FUT8: variants seen among roughly 807,000 people sequenced by gnomAD.
The protein encoded by FUT8 is fucosyltransferase 8.
Under a neutral mutation model 71.3 loss-of-function variants are expected in FUT8, and 29 were observed. The observed-to-expected ratio is 0.41, with a 90% CI of 0.30 to 0.55. The LOEUF is 0.55. Ranked by LOEUF, FUT8 falls within the 20% of genes least tolerant of loss-of-function variation. FUT8 has a pLI of 0.34. For synonymous variants in FUT8, 254 were observed against 239.3 expected, an observed-to-expected ratio of 1.06 and a Z score of -0.57; for missense variants, 544 against 702.1, an observed-to-expected ratio of 0.77 and a Z score of 2.55.
intron 10 of FUT8, among the ~76,000 whole-genome samples, chr14:65,739,907 G>T (rs528906763): frequency 6.6e-6 from 1 of 152,160 alleles, no homozygotes; most frequent in South Asian, 2.1e-4. Flanking sequence ...GATGCTGAAA[G>T]GAATCTAATT....
Position 65,742,347 on chromosome 14 carries a change from C to A in FUT8, c.1665C>A (p.Ser555=), listed in dbSNP as rs1210396815. The change falls in exon 11 of 11, where the codon TCC becomes TCA. Residue 555 remains serine, a synonymous_variant. Transcript: ENST00000673929. ...TGGGAAGGACGGGCCTATATCCCTC[C>A]TACAAAGTTCGAGAGAAGATAGAAA... The part of the protein sequence containing the change: ...RKLGRTGLYP[S]YKVREKIETV... 1.2e-6 allele frequency: 2 copies of A among 1,612,694 alleles called. No homozygotes were observed. Among genetic ancestry groups the A allele is most frequent in the Non-Finnish European group, 1.7e-6 (2 of 1,179,176 alleles).
chr14:65,603,088 A>G lies in FUT8; in HGVS notation c.204-12890A>G, dbSNP rs180945715. ...GTCTAGAAGGATTTTTTCCGATGTT[A>G]TTTTCTAGATTTTTTTATAGTTTCA... On this transcript the variant is annotated intron_variant, in intron 3 of 10. Coordinates refer to ENST00000673929, the MANE Select transcript of FUT8 (RefSeq NM_001371533.1). This position sits in a 1 kb window ranked among gnomAD's most constrained non-coding sequence, Gnocchi z 4.5. Among the ~76,000 whole-genome samples the G allele has an allele frequency of 1.3e-5, 2 of 151,568 alleles. No homozygotes were observed. Among genetic ancestry groups the G allele is most frequent in the Admixed American group, 1.3e-4 (2 of 15,190 alleles).
chr14:65,505,306 G>GTTTT lies in FUT8; in HGVS notation c.-228+49609_-228+49612dup, dbSNP rs1001286768. On this transcript the variant is annotated intron_variant, in intron 2 of 10. Transcript: ENST00000673929. ...AAACTATGTCAAGTACTACATTTCA[G>GTTTT]TTTTTTTTTTTTTTTTTTTTTTTTG... Among the ~76,000 whole-genome samples the GTTTT allele has an allele frequency of 7.7e-4, 74 of 95,764 alleles. 3 individuals are homozygous for GTTTT. The highest frequency in any genetic ancestry group is 1.4e-3 in the African/African-American group (31 of 22,858). The allele number at this position is 95,764 out of a possible 152,430, so 62.8% of individuals were successfully genotyped here.
At chr14:65,531,464 T>G (rs1389173723) in intron 2 of FUT8, among the ~76,000 whole-genome samples, 1 of 152,054 alleles carries the variant, frequency 6.6e-6, no homozygotes, top group African/African-American at 2.4e-5. Context: ...GAATTGTACA[T>G]TGTGAGTCTT....
chr14:65,404,541 T>C, the FUT8 span, among the ~76,000 whole-genome samples: 1 of 151,674 alleles, frequency 6.6e-6, no homozygotes, highest in Non-Finnish European at 1.5e-5. Context: ...AGTGGCGCAA[T>C]CTCAGCTCAC....
intron 3 of FUT8, among the ~76,000 whole-genome samples, chr14:65,584,870 C>T (rs1172549239): frequency 2.0e-5 from 3 of 152,162 alleles, no homozygotes; most frequent in African/African-American, 7.2e-5. Context: ...TCACGTAGTC[C>T]TTCATTCAGG....
rs976134080 is a variant in FUT8 at position 65,499,540 on chromosome 14, G to A, written c.-228+43822G>A. ...ATTTGTAAAGAATAATGGGCTGGGT[G>A]CAGTGGCTTGTGCCTGTAATCCCAA... is the stretch of plus-strand genomic sequence containing the variant. On this transcript the variant is annotated intron_variant, in intron 2 of 10. Coordinates refer to ENST00000673929, the MANE Select transcript of FUT8 (RefSeq NM_001371533.1). Among the ~76,000 whole-genome samples the A allele has an allele frequency of 4.6e-5, 7 of 152,206 alleles. No homozygotes were observed. In the East Asian group the frequency reaches 1.4e-3, roughly 29 times the overall value.
At chr14:65,635,646 G>A (rs966119042) in intron 6 of FUT8, among the ~76,000 whole-genome samples, 1 of 152,120 alleles carries the variant, frequency 6.6e-6, no homozygotes, top group Admixed American at 6.5e-5. Context: ...TTATTGACTT[G>A]CGTATATTAA....
At chr14:65,499,008 A>G (rs1478811008) in intron 2 of FUT8, among the ~76,000 whole-genome samples, 1 of 152,226 alleles carries the variant, frequency 6.6e-6, no homozygotes, top group African/African-American at 2.4e-5. Flanking sequence ...TTAAGGAGGC[A>G]TTGGGTAAGA....
intron 3 of FUT8, among the ~76,000 whole-genome samples, chr14:65,600,911 T>C (rs983321104): frequency 2.0e-5 from 3 of 152,214 alleles, no homozygotes; most frequent in African/African-American, 7.2e-5. Flanking sequence ...CTATTCGTTC[T>C]ACATTGTTCT....
chr14:65,705,742 A>T (rs78451286), intron 7 of FUT8, among the ~76,000 whole-genome samples: 117 of 152,328 alleles, frequency 7.7e-4, no homozygotes, highest in African/African-American at 2.6e-3. Context: ...GTTTTGGTCA[A>T]ATCAAGGTAG....
At chr14:65,520,594 T>A (rs7141536) in intron 2 of FUT8, among the ~76,000 whole-genome samples, 105,021 of 151,958 alleles carry the variant, frequency 0.69, 36,536 homozygotes, top group East Asian at 0.86. Context: ...AACTCATTTT[T>A]TTAGAAATGT....
At chr14:65,547,407 G>A (rs1885043157) in intron 2 of FUT8, among the ~76,000 whole-genome samples, 1 of 151,370 alleles carries the variant, frequency 6.6e-6, no homozygotes, top group Admixed American at 6.6e-5. Context: ...TATTGTGTGT[G>A]TTGTAAACCC....
At chr14:65,619,551 A>G (rs1240005470) in intron 5 of FUT8, among the ~76,000 whole-genome samples, 3 of 152,202 alleles carry the variant, frequency 2.0e-5, no homozygotes, top group Admixed American at 6.5e-5. Context: ...TTGATAGCTA[A>G]TAACTAGTAG....
chr14:65,467,803 C>G lies in FUT8; in HGVS notation c.-228+12085C>G. ...TAGAGGTCTTTTATTTTTTTTAACACCTGTTATGCTATGAATTCACAGGGA... is the reference window on the plus strand; with the variant it reads ...TAGAGGTCTTTTATTTTTTTTAACAGCTGTTATGCTATGAATTCACAGGGA... On this transcript the variant is annotated intron_variant, in intron 2 of 10. Coordinates refer to ENST00000673929, the MANE Select transcript of FUT8 (RefSeq NM_001371533.1). The surrounding 1 kb of genome is among the most constrained non-coding windows in gnomAD (Gnocchi z 4.1). 1.4e-6 allele frequency: 1 copy of G among 729,656 alleles called. No individual in the cohort carries two copies. Among genetic ancestry groups the G allele is most frequent in the Non-Finnish European group, 2.6e-6 (1 of 388,560 alleles). The allele number at this position is 729,656 out of a possible 1,614,324, so 45.2% of individuals were successfully genotyped here.
chr14:65,515,518 T>C (rs1882655763), intron 2 of FUT8, among the ~76,000 whole-genome samples: 1 of 152,012 alleles, frequency 6.6e-6, no homozygotes. Flanking sequence ...TATATAATGT[T>C]TTGTGGGCAG....
Position 65,742,031 on chromosome 14 carries a change from T to A in FUT8, c.1411-62T>A, listed in dbSNP as rs190387923. On this transcript the variant is annotated intron_variant, in intron 10 of 10. Coordinates refer to ENST00000673929, the MANE Select transcript of FUT8 (RefSeq NM_001371533.1). The stretch of plus-strand genomic sequence containing the variant: ...GAGCCCATCCTTTTGGCCAAGGGCT[T>A]TTAGATTGCTGTGAAGGAGAGTGTT... 1.0e-4 allele frequency: 145 copies of A among 1,427,824 alleles called. No homozygotes were observed. In the African/African-American group the frequency reaches 1.7e-3, roughly 17 times the overall value. 88.4% of individuals were successfully genotyped at this position (1,427,824 alleles called of 1,614,324 possible). A position where few individuals can be genotyped will look rare whatever the true frequency, so the allele number is the denominator to read the frequency against.
intron 8 of FUT8, among the ~76,000 whole-genome samples, chr14:65,723,165 A>G (rs1895507792): frequency 6.6e-6 from 1 of 151,738 alleles, no homozygotes; most frequent in Non-Finnish European, 1.5e-5. Flanking sequence ...AAAAAAAAAA[A>G]AAAGCAAAAA....
At chr14:65,676,814 C>T (rs1402995944) in intron 7 of FUT8, among the ~76,000 whole-genome samples, 1 of 152,084 alleles carries the variant, frequency 6.6e-6, no homozygotes, top group Non-Finnish European at 1.5e-5. Flanking sequence ...ATGTGGATCA[C>T]GTTAGAGTGA....
Sources: allele counts gnomAD v4.1 joint callset (sites outside exome capture counted in the v4.1 genomes callset), GRCh38; gene constraint gnomAD v4.1.1; non-coding constraint Gnocchi (gnomAD v3.1); transcripts MANE v1.5; gene names NCBI Gene and HGNC (gene_info 2026-07-23, HGNC 2026-07-21).